The following TMEM260 variants were observed in gnomAD, a reference collection of about 807,000 sequenced individuals.
TMEM260 encodes protein O-mannosyl-transferase TMEM260.
In TMEM260, 82 loss-of-function variants were observed where a neutral mutation model predicts 88.9. The observed-to-expected ratio is 0.92, with a 90% CI of 0.77 to 1.11. The LOEUF (loss-of-function observed/expected upper bound fraction) is 1.11. Among genes scored for constraint, TMEM260 ranks in the 50% least tolerant of loss-of-function variants. The pLI, the probability that TMEM260 is intolerant of heterozygous loss-of-function variation, is 0.00. For missense variants in TMEM260, 902 were observed against 853.4 expected (o/e 1.06, Z -0.71); for synonymous variants, 314 against 309.3 (o/e 1.02, Z -0.16).
the TMEM260 span, among the ~76,000 whole-genome samples, chr14:56,662,884 T>G: frequency 2.0e-5 from 3 of 152,178 alleles, no homozygotes; most frequent in African/African-American, 7.2e-5. Context: ...TCCCAGCACT[T>G]TGGGAGGCCA....
intron 12 of TMEM260, among the ~76,000 whole-genome samples, chr14:56,630,621 C>T (rs1888530403): frequency 6.6e-6 from 1 of 152,090 alleles, no homozygotes; most frequent in African/African-American, 2.4e-5. Flanking sequence ...CTTCTTGATG[C>T]ATGCTTATAA....
intron 3 of TMEM260, among the ~76,000 whole-genome samples, chr14:56,601,066 T>C (rs1160495316): frequency 2.6e-5 from 4 of 152,310 alleles, no homozygotes; most frequent in East Asian, 1.9e-4. Context: ...AAAATACTCA[T>C]GTACCTAACT....
chr14:56,586,304 C>T (rs17702312), intron 3 of TMEM260, among the ~76,000 whole-genome samples: 53,149 of 151,904 alleles, frequency 0.35, 10,624 homozygotes, highest in East Asian at 0.51. Flanking sequence ...AGGGCTAATA[C>T]CTAATTATAT....
chr14:56,604,628 G>A (rs1461329389), intron 4 of TMEM260, among the ~76,000 whole-genome samples: 1 of 152,164 alleles, frequency 6.6e-6, no homozygotes, highest in South Asian at 2.1e-4. Context: ...GTGGTTTCCT[G>A]TGATGCTATT....
At chr14:56,580,413 A>G (rs774483683) in intron 1 of TMEM260, among the ~76,000 whole-genome samples, 1 of 152,172 alleles carries the variant, frequency 6.6e-6, no homozygotes, top group African/African-American at 2.4e-5. Flanking sequence ...CGGTGTCCTT[A>G]TTATGTTTCA....
At chr14:56,630,484 A>G (rs568090276) in intron 12 of TMEM260, among the ~76,000 whole-genome samples, 43 of 145,852 alleles carry the variant, frequency 2.9e-4, no homozygotes, top group Admixed American at 1.1e-3. Flanking sequence ...TTTTTTTTCT[A>G]TGTCTTCAAA....
chr14:56,634,475 C>G (rs1427479616), intron 13 of TMEM260, among the ~76,000 whole-genome samples: 1 of 152,194 alleles, frequency 6.6e-6, no homozygotes, highest in Non-Finnish European at 1.5e-5. Context: ...TTAATTTGAT[C>G]ACTGTCAGTA....
intron 3 of TMEM260, among the ~76,000 whole-genome samples, chr14:56,591,535 ATGCCTTGGCCGG>A (rs777456002): frequency 6.6e-5 from 10 of 152,230 alleles, no homozygotes; most frequent in African/African-American, 9.6e-5. Context: ...GCGTGATGAT[ATGCCTTGGCCGG>A]TGCCTTTGAG....
chr14:56,654,807 T>A (rs1302579291), downstream of TMEM260, among the ~76,000 whole-genome samples: 1 of 65,100 alleles, frequency 1.5e-5, no homozygotes, highest in Non-Finnish European at 2.6e-5. Context: ...AGAGCGAAAC[T>A]CCATCTCAAA....
chr14:56,614,879 A>T (rs1379163681), intron 7 of TMEM260, among the ~76,000 whole-genome samples: 1 of 152,246 alleles, frequency 6.6e-6, no homozygotes, highest in Non-Finnish European at 1.5e-5. Context: ...CTTCAAAATG[A>T]TAGAAGCTAA....
At chr14:56,580,311 G>A (rs73275390) in intron 1 of TMEM260, among the ~76,000 whole-genome samples, 1,730 of 152,286 alleles carry the variant, frequency 0.011, 28 homozygotes, top group African/African-American at 0.039. Context: ...GTTTCGCCTG[G>A]TGGGGCTTAT....
At chr14:56,602,179 A>T (rs1034739960) in intron 3 of TMEM260, among the ~76,000 whole-genome samples, 1 of 152,168 alleles carries the variant, frequency 6.6e-6, no homozygotes, top group Non-Finnish European at 1.5e-5. Flanking sequence ...TAATTGTTAC[A>T]GACAATTAAA....
downstream of TMEM260, among the ~76,000 whole-genome samples, chr14:56,652,489 CAAA>C (rs34203722): frequency 0.043 from 4,931 of 115,144 alleles, 216 homozygotes; most frequent in African/African-American, 0.12. Context: ...CAGAGTGTCT[CAAA>C]AAAAAAAAAA....
intron 6 of TMEM260, 105 bp downstream of exon 6, chr14:56,609,390 A>T: frequency 9.1e-7 from 1 of 1,096,268 alleles, no homozygotes; most frequent in Non-Finnish European, 1.3e-6. Context: ...CAGTAGATCA[A>T]ATGTTTGTTT....
At chr14:56,661,180 G>GC in the TMEM260 span, among the ~76,000 whole-genome samples, 1 of 152,142 alleles carries the variant, frequency 6.6e-6, no homozygotes, top group Non-Finnish European at 1.5e-5. Flanking sequence ...CCAACCCTGG[G>GC]CCAGGTACCA....
intron 15 of TMEM260, among the ~76,000 whole-genome samples, chr14:56,640,866 C>T (rs1301836626): frequency 6.6e-6 from 1 of 152,050 alleles, no homozygotes; most frequent in Non-Finnish European, 1.5e-5. Flanking sequence ...GCCTCAGTAG[C>T]CAATGCGATC....
Position 56,588,755 on chromosome 14 carries a change from A to G in TMEM260, c.344+2843A>G, listed in dbSNP as rs190052890. 2.1e-3 allele frequency among the ~76,000 whole-genome samples: 318 copies of G among 152,090 alleles called. 1 individual carries two copies. Among genetic ancestry groups the G allele is most frequent in the Non-Finnish European group, 2.7e-3 (182 of 67,894 alleles). On this transcript the variant is annotated intron_variant, in intron 3 of 15. Coordinates refer to ENST00000261556, the MANE Select transcript of TMEM260 (RefSeq NM_017799.4). ...TAAGGAGTATTTTTAAGCATGCATT[A>G]TGTTAGGGGAGTTTAATCTAGTACA...
chr14:56,640,980 T>TATGGGACTATG (rs1413429861), intron 15 of TMEM260, among the ~76,000 whole-genome samples: 1 of 151,974 alleles, frequency 6.6e-6, no homozygotes, highest in Non-Finnish European at 1.5e-5. Context: ...CTCCAAGAAA[T>TATGGGACTATG]ATGGGACTAT....
intron 1 of TMEM260, among the ~76,000 whole-genome samples, chr14:56,580,905 C>T (rs765863295): frequency 6.6e-6 from 1 of 152,184 alleles, no homozygotes; most frequent in Non-Finnish European, 1.5e-5. Flanking sequence ...TGCTGCATGA[C>T]TAGTGATCCC....
Sources: allele counts gnomAD v4.1 joint callset (sites outside exome capture counted in the v4.1 genomes callset), GRCh38; gene constraint gnomAD v4.1.1; transcripts MANE v1.5; gene names NCBI Gene and HGNC (gene_info 2026-07-23, HGNC 2026-07-21).